RDM1: variants seen among roughly 807,000 people sequenced by gnomAD.
The protein encoded by RDM1 is RAD52 motif containing 1, also known as RAD52 motif-containing protein 1.
RDM1 carries 28 observed loss-of-function variants against 27.7 expected under a neutral mutation model. The observed-to-expected ratio is 1.01, with a 90% CI of 0.75 to 1.39. The LOEUF is 1.39. Ranked by LOEUF, RDM1 falls within the 40% of genes most tolerant of loss-of-function variation. The probability of loss-of-function intolerance (pLI) is 0.00; values close to 1 mark genes in which losing one functional copy is unlikely to be tolerated. For synonymous variants in RDM1, 124 were observed against 127.5 expected (o/e 0.97, Z 0.19); for missense variants, 277 against 337.3 (o/e 0.82, Z 1.40).
rs1013511994 is a variant in RDM1, at chr17:35,923,349, CAA to C, written c.569-676_569-675del. Among the ~76,000 whole-genome samples the C allele has an allele frequency of 5.0e-3, 237 of 47,230 alleles. 1 individual carries two copies. Among genetic ancestry groups the C allele is most frequent in the African/African-American group, 0.018 (215 of 12,128 alleles). 31.0% of individuals were successfully genotyped at this position (47,230 alleles called of 152,430 possible). On this transcript the variant is annotated intron_variant, in intron 4 of 6. Transcript: ENST00000620284. ...TGGGCGACAGAGTGAGATTCTGTCT[CAA>C]AAAAAAAAAAAAAAAAAAAAGAGGC...
rs1399671232 is a variant in RDM1, at chr17:35,928,819, T to C, written c.276+1257A>G. Among the ~76,000 whole-genome samples the C allele has an allele frequency of 2.6e-5, 4 of 151,086 alleles. No individual in the cohort carries two copies. In the East Asian group the frequency reaches 5.8e-4, roughly 22 times the overall value. ...GGCTGGGCACAGTGGCTCACACCTG[T>C]AGTCCCAGCACTTTGGGAGGCTGAG... On this transcript the variant is annotated intron_variant, in intron 2 of 6. Transcript: ENST00000620284.
chr17:35,925,969 C>T (rs905366221), intron 2 of RDM1, among the ~76,000 whole-genome samples: 3 of 151,932 alleles, frequency 2.0e-5, no homozygotes, highest in Non-Finnish European at 2.9e-5. Context: ...CCCGTCTCTA[C>T]GAAAAATACT....
At chr17:35,927,365 G>A (rs542392497) in intron 2 of RDM1, among the ~76,000 whole-genome samples, 13 of 152,078 alleles carry the variant, frequency 8.5e-5, no homozygotes, top group Middle Eastern at 3.4e-3. Context: ...AATTAAACCC[G>A]GGAGGCAGAG....
At position 35,918,397 on chromosome 17, in the gene RDM1, T is replaced by C; in HGVS notation, c.800A>G (p.Tyr267Cys). ...CTCCTCCAAGCTGAAATCCGAGAGA[T>C]ACCCTTCCTCCTCTTGGCCATACTG... is the stretch of plus-strand genomic sequence containing the variant. Reference protein sequence around the residue: ...WKQYGQEEEGYLSDFSLEEEE... With the variant: ...WKQYGQEEEGCLSDFSLEEEE... Residue 267 changes from tyrosine (Y) to cysteine (C), a missense_variant, in exon 7 of 7, where the codon TAT (tyrosine) becomes TGT (cysteine). Coordinates refer to ENST00000620284, the MANE Select transcript of RDM1 (RefSeq NM_145654.4). 6.2e-7 allele frequency: 1 copy of C among 1,614,110 alleles called. No homozygotes were observed. The highest frequency in any genetic ancestry group is 1.1e-5 in the South Asian group (1 of 91,080).
chr17:35,924,995 G>C (rs576430280), intron 3 of RDM1, among the ~76,000 whole-genome samples: 1 of 152,062 alleles, frequency 6.6e-6, no homozygotes, highest in Admixed American at 6.6e-5. Flanking sequence ...TTAGCTGGGC[G>C]TGGTGGTGGG....
chr17:35,918,577 G>C, intron 6 of RDM1, 134 bp from the exon 7 acceptor site: 1 of 721,168 alleles, frequency 1.4e-6, no homozygotes, highest in Non-Finnish European at 2.3e-6. Context: ...TATTAGGTAG[G>C]GGCTGCCAGG....
intron 1 of RDM1, 182 bp downstream of exon 1, chr17:35,930,450 T>C: frequency 1.1e-6 from 1 of 894,458 alleles, no homozygotes; most frequent in Non-Finnish European, 1.7e-6. Flanking sequence ...GGTGGAGAGA[T>C]ACCTCTCCGG....
intron 2 of RDM1, among the ~76,000 whole-genome samples, 199 bp from the exon 3 acceptor site, chr17:35,925,836 G>C (rs932528141): frequency 6.6e-6 from 1 of 151,980 alleles, no homozygotes; most frequent in East Asian, 1.9e-4. Context: ...TTACTAACCC[G>C]TTAAAAGATG....
rs1411106650 is a variant in RDM1 at position 35,922,676 on chromosome 17, C to T, written c.569-1G>A. On this transcript the variant is annotated splice_acceptor_variant, in intron 4 of 6. Transcript: ENST00000620284. LOFTEE classifies it high-confidence loss of function. The stretch of plus-strand genomic sequence containing the variant: ...CTTTTCATAAGGAATGATAATGGTC[C>T]TAAATCCAACCAAAACAAATGGATT... The T allele has an allele frequency of 6.3e-7, 1 of 1,590,128 alleles. No individual in the cohort carries two copies. Among genetic ancestry groups the T allele is most frequent in the South Asian group, 1.2e-5 (1 of 86,508 alleles).
intron 1 of RDM1, 134 bp from the exon 2 acceptor site, chr17:35,930,389 C>T: frequency 8.0e-7 from 1 of 1,251,928 alleles, no homozygotes. Context: ...AACAGGTTTT[C>T]CTCTTAAAAT....
chr17:35,924,714 G>A lies in RDM1; in HGVS notation c.458C>T (p.Pro153Leu), dbSNP rs147427022. 1.9e-4 allele frequency: 313 copies of A among 1,614,030 alleles called. 1 individual carries two copies. Among genetic ancestry groups the A allele is most frequent in the East Asian group, 1.3e-4 (6 of 44,878 alleles). Residue 153 changes from proline to leucine, a missense_variant, in exon 4 of 7, where the codon CCG (proline) becomes CTG (leucine). Coordinates refer to ENST00000620284, the MANE Select transcript of RDM1 (RefSeq NM_145654.4). ...ACAGAAGAACTTCAGGCTTTGCTTC[G>A]GAAGTGGCACCATGCTATCTTCATT... ...RENEDSMVPL[P>L]KQSLKFFCAL... is the part of the protein sequence containing the mutation.
chr17:35,923,019 A>G lies in RDM1; in HGVS notation c.569-344T>C, dbSNP rs185503126. Among the ~76,000 whole-genome samples the G allele has an allele frequency of 4.4e-4, 67 of 152,300 alleles. No individual in the cohort carries two copies. The Middle Eastern group carries it at 0.017, about 39-fold the overall frequency. On this transcript the variant is annotated intron_variant, in intron 4 of 6. Transcript: ENST00000620284. ...CATCAAGGGCTGGAATCACTCATCGAAAAAGGTTTGGTTGGCTGGACCTGG... is the reference window on the plus strand; with the variant it reads ...CATCAAGGGCTGGAATCACTCATCGGAAAAGGTTTGGTTGGCTGGACCTGG...
At chr17:35,923,107 G>A (rs1424301979) in intron 4 of RDM1, among the ~76,000 whole-genome samples, 1 of 152,086 alleles carries the variant, frequency 6.6e-6, no homozygotes, top group Non-Finnish European at 1.5e-5. Context: ...AGGGGCTCAA[G>A]AACAGCCTGG....
chr17:35,929,396 G>A (rs1598691545), intron 2 of RDM1, among the ~76,000 whole-genome samples: 1 of 152,100 alleles, frequency 6.6e-6, no homozygotes, highest in South Asian at 2.1e-4. Flanking sequence ...AAGTAGCTGG[G>A]ACTACAGGTG....
At position 35,930,758 on chromosome 17, in the gene RDM1, C is replaced by A. The variant is rs752069573; in HGVS notation, c.-31G>T. On this transcript the variant is annotated 5_prime_UTR_variant, in exon 1 of 7. The change creates a new upstream start codon in the 5' untranslated region. Coordinates refer to ENST00000620284, the MANE Select transcript of RDM1 (RefSeq NM_145654.4). ...CTTCACCGCACCTGCGCGGCTAACC[C>A]TCGCCCCAGCATTGCGCCTGCGCAA... 1.2e-6 allele frequency: 2 copies of A among 1,605,494 alleles called. No individual in the cohort carries two copies. Among genetic ancestry groups the A allele is most frequent in the African/African-American group, 2.7e-5 (2 of 74,792 alleles).
At chr17:35,929,181 C>A (rs1305270731) in intron 2 of RDM1, among the ~76,000 whole-genome samples, 1 of 152,154 alleles carries the variant, frequency 6.6e-6, no homozygotes, top group Non-Finnish European at 1.5e-5. Flanking sequence ...TAGAGACCAG[C>A]CTGGGCAACA....
At chr17:35,921,296 A>G (rs904713765) in intron 5 of RDM1, among the ~76,000 whole-genome samples, 1 of 152,232 alleles carries the variant, frequency 6.6e-6, no homozygotes, top group African/African-American at 2.4e-5. Flanking sequence ...TAAGACTTTC[A>G]CTAGAAGGGC....
intron 2 of RDM1, 53 bp downstream of exon 2, chr17:35,930,023 T>G: frequency 6.7e-7 from 1 of 1,487,628 alleles, no homozygotes; most frequent in Non-Finnish European, 9.3e-7. Context: ...TAACCTATTA[T>G]TGAATTCAGC....
At chr17:35,921,918 CTTT>C (rs755056334) in intron 5 of RDM1, among the ~76,000 whole-genome samples, 10 of 116,002 alleles carry the variant, frequency 8.6e-5, no homozygotes, top group Admixed American at 9.6e-5. Context: ...ATTAAAAAAT[CTTT>C]TTTTTTTTTT....
Sources: gnomAD v4.1 joint callset for allele counts (sites outside exome capture counted in the v4.1 genomes callset) on GRCh38, gnomAD v4.1.1 for gene constraint, MANE v1.5 for transcripts, NCBI Gene and HGNC (gene_info 2026-07-23, HGNC 2026-07-21) for gene names.